The following DPYD variants were observed in gnomAD, a reference collection of about 807,000 sequenced individuals.
DPYD encodes the protein dihydropyrimidine dehydrogenase, also known as dihydropyrimidine dehydrogenase [NADP(+)].
DPYD carries 109 observed loss-of-function variants against 116.2 expected under a neutral mutation model. The ratio of observed to expected loss-of-function variants is 0.94; its 90% CI spans 0.80 to 1.10. The LOEUF (loss-of-function observed/expected upper bound fraction) is 1.10, where lower values mean the gene tolerates loss of function less well. Ranked by LOEUF, DPYD falls within the 50% of genes least tolerant of loss-of-function variation. DPYD has a pLI of 0.00. For synonymous variants in DPYD, 440 were observed against 432.0 expected (o/e 1.02, Z -0.23); for missense variants, 1,302 against 1,254.5 (o/e 1.04, Z -0.57).
At position 97,477,604 on chromosome 1, in the gene DPYD, C is replaced by CTTTTTTTTTTTT. The variant is rs56199931; in HGVS notation, c.1741-27393_1741-27382dup. Among the ~76,000 whole-genome samples, 3 of 113,654 alleles carry CTTTTTTTTTTTT rather than the reference C, an allele frequency of 2.6e-5. 1 individual carries two copies. The highest frequency in any genetic ancestry group is 6.8e-5 in the African/African-American group (2 of 29,560). 74.6% of individuals were successfully genotyped at this position (113,654 alleles called of 152,430 possible). On this transcript the variant is annotated intron_variant, in intron 13 of 22. Coordinates refer to ENST00000370192, the MANE Select transcript of DPYD (RefSeq NM_000110.4). ...CTGACCTCCTTCCATGACTGTTCTTCTTTTTTTTTTTTTTTTTTTTTTTTT... is the reference window on the plus strand; with the variant it reads ...CTGACCTCCTTCCATGACTGTTCTTCTTTTTTTTTTTTTTTTTTTTTTTTTTTTTTTTTTTTT...
chr1:97,595,035 A>T (rs779047090), intron 9 of DPYD, 24 bp downstream of exon 9: 1 of 1,521,984 alleles, frequency 6.6e-7, no homozygotes, highest in Middle Eastern at 1.7e-4. Flanking sequence ...CTCACTATTA[A>T]GCATAAAAGA....
chr1:97,601,210 A>G (rs901239020), intron 8 of DPYD, among the ~76,000 whole-genome samples: 3 of 152,086 alleles, frequency 2.0e-5, no homozygotes, highest in Non-Finnish European at 4.4e-5. Context: ...CCTGCTTACT[A>G]TACAGGGTTC....
intron 2 of DPYD, 62 bp from the exon 3 acceptor site, chr1:97,828,258 A>G: frequency 6.7e-7 from 1 of 1,483,852 alleles, no homozygotes. Context: ...GTATCTATGC[A>G]GTTATGCAAA....
At chr1:97,634,514 T>C (rs1252148436) in intron 8 of DPYD, among the ~76,000 whole-genome samples, 1 of 151,898 alleles carries the variant, frequency 6.6e-6, no homozygotes. Context: ...AGAAAACATA[T>C]ATAATCATCA....
intron 3 of DPYD, among the ~76,000 whole-genome samples, chr1:97,775,467 A>G (rs765840373): frequency 2.6e-5 from 4 of 152,306 alleles, no homozygotes; most frequent in Middle Eastern, 6.8e-3. Flanking sequence ...TAACTTGACT[A>G]GATAATAGTA....
At chr1:97,910,583 A>C (rs1673885962) in intron 1 of DPYD, among the ~76,000 whole-genome samples, 2 of 152,238 alleles carry the variant, frequency 1.3e-5, no homozygotes, top group South Asian at 4.1e-4. Flanking sequence ...AAAAATGTTT[A>C]AGTTATTTGC....
chr1:97,751,256 T>C (rs1005335268), intron 3 of DPYD, among the ~76,000 whole-genome samples: 1 of 150,442 alleles, frequency 6.6e-6, no homozygotes, highest in Non-Finnish European at 1.5e-5. Flanking sequence ...ACTGGACACA[T>C]ACTTCATGGA....
At chr1:97,861,638 T>C (rs1671122952) in intron 2 of DPYD, among the ~76,000 whole-genome samples, 3 of 151,768 alleles carry the variant, frequency 2.0e-5, no homozygotes, top group Non-Finnish European at 4.4e-5. Flanking sequence ...AAGAGAAACA[T>C]GCAAAGCCCT....
chr1:97,088,518 CCT>C (rs1398322102), intron 21 of DPYD, among the ~76,000 whole-genome samples: 2 of 152,156 alleles, frequency 1.3e-5, no homozygotes, highest in African/African-American at 2.4e-5. Flanking sequence ...TTTCATCACT[CCT>C]CTGTCTTGCC....
intron 2 of DPYD, among the ~76,000 whole-genome samples, chr1:97,844,864 T>C (rs1670215325): frequency 6.6e-6 from 1 of 152,182 alleles, no homozygotes; most frequent in African/African-American, 2.4e-5. Context: ...ACCTGGTCTC[T>C]CCCCACCCAG....
chr1:97,514,713 GT>G (rs542818133), intron 13 of DPYD, among the ~76,000 whole-genome samples: 2 of 149,076 alleles, frequency 1.3e-5, no homozygotes, highest in East Asian at 2.0e-4. Flanking sequence ...TTCCTGCACT[GT>G]TTTTTTTTCT....
chr1:97,501,513 G>A (rs1480560769), intron 13 of DPYD, among the ~76,000 whole-genome samples: 1 of 151,844 alleles, frequency 6.6e-6, no homozygotes, highest in African/African-American at 2.4e-5. Flanking sequence ...ACCAGCCTGG[G>A]CAACATAACA....
At chr1:97,309,041 T>C (rs997828456) in intron 16 of DPYD, among the ~76,000 whole-genome samples, 3 of 151,902 alleles carry the variant, frequency 2.0e-5, no homozygotes, top group Non-Finnish European at 4.4e-5. Context: ...ATTATTTCCT[T>C]ATATATCCAT....
chr1:97,212,185 A>G (rs1251898495), intron 19 of DPYD, among the ~76,000 whole-genome samples: 1 of 152,068 alleles, frequency 6.6e-6, no homozygotes, highest in Non-Finnish European at 1.5e-5. Flanking sequence ...TATTCCAATT[A>G]CCCAAAAGTT....
chr1:97,795,693 C>G (rs1050388966), intron 3 of DPYD, among the ~76,000 whole-genome samples: 1 of 151,766 alleles, frequency 6.6e-6, no homozygotes, highest in Non-Finnish European at 1.5e-5. Flanking sequence ...TATACACACT[C>G]CTATATTATT....
At chr1:97,222,159 T>C (rs1478348411) in intron 19 of DPYD, among the ~76,000 whole-genome samples, 1 of 152,130 alleles carries the variant, frequency 6.6e-6, no homozygotes, top group Non-Finnish European at 1.5e-5. Context: ...GTCAAGCATA[T>C]GAAGACTCTT....
At chr1:97,828,862 T>C (rs1048070722) in intron 2 of DPYD, among the ~76,000 whole-genome samples, 1 of 151,968 alleles carries the variant, frequency 6.6e-6, no homozygotes, top group Non-Finnish European at 1.5e-5. Context: ...AAATATGACA[T>C]AAGCAGTTTA....
At chr1:97,346,031 T>G (rs910529691) in intron 16 of DPYD, among the ~76,000 whole-genome samples, 2 of 151,838 alleles carry the variant, frequency 1.3e-5, no homozygotes, top group Admixed American at 1.3e-4. Context: ...TCTCATTCCT[T>G]TGCTTTTAAA....
chr1:97,230,593 TA>T (rs1481392240), intron 19 of DPYD, among the ~76,000 whole-genome samples: 6 of 152,132 alleles, frequency 3.9e-5, no homozygotes, highest in Non-Finnish European at 7.3e-5. Context: ...AAAGTTTACC[TA>T]TGTAGCAAAC....
Sources: gnomAD v4.1 joint callset for allele counts (sites outside exome capture counted in the v4.1 genomes callset) on GRCh38, gnomAD v4.1.1 for gene constraint, MANE v1.5 for transcripts, NCBI Gene and HGNC (gene_info 2026-07-23, HGNC 2026-07-21) for gene names.